The following POLR2B variants were observed in gnomAD, a reference collection of about 807,000 sequenced individuals.
The protein encoded by POLR2B is DNA-directed RNA polymerase II subunit RPB2.
Under a neutral mutation model 144.6 loss-of-function variants are expected in POLR2B, and 57 were observed. The ratio of observed to expected loss-of-function variants is 0.39; its 90% confidence interval spans 0.32 to 0.49. The LOEUF is 0.49. POLR2B is among the 20% of genes least tolerant of loss of function. The probability of loss-of-function intolerance (pLI) is 0.83; values close to 1 mark genes in which losing one functional copy is unlikely to be tolerated. For synonymous variants in POLR2B, 442 were observed against 469.8 expected, an observed-to-expected ratio of 0.94 and a Z score of 0.77; for missense variants, 595 against 1,467.4, an observed-to-expected ratio of 0.41 and a Z score of 9.71.
intron 6 of POLR2B, among the ~76,000 whole-genome samples, chr4:56,998,324 A>G (rs11735158): frequency 0.3 from 45,916 of 151,094 alleles, 7,172 homozygotes; most frequent in Admixed American, 0.4. Context: ...CAGCCTCCTG[A>G]GTAGCTGGGA....
At chr4:56,987,029 G>A (rs191627388) in intron 2 of POLR2B, among the ~76,000 whole-genome samples, 3 of 152,154 alleles carry the variant, frequency 2.0e-5, no homozygotes, top group Non-Finnish European at 4.4e-5. Flanking sequence ...CAGTGTGTCT[G>A]TTCTTTTTTT....
Position 57,030,355 on chromosome 4 carries a change from A to G in POLR2B, c.3391A>G (p.Arg1131Gly). 1 of 1,614,112 alleles carries G rather than the reference A, an allele frequency of 6.2e-7. No homozygotes were observed. The highest frequency in any genetic ancestry group is 8.5e-7 in the Non-Finnish European group (1 of 1,179,968). ...TGGAATAATGGCGATTGCCAACACC[A>G]GGACCCATACATATGAATGCAGGGG... ...LCGIMAIANT[R>G]THTYECRGCR... The change falls in exon 24 of 25, where the codon AGG becomes GGG. Residue 1131 changes from arginine to glycine, a missense_variant. Physicochemically the swap from Arg to Gly is moderately radical, Grantham distance 125 (BLOSUM62 -2). Transcript: ENST00000314595.
chr4:56,980,595 C>G (rs1273419608), intron 1 of POLR2B, among the ~76,000 whole-genome samples: 1 of 152,048 alleles, frequency 6.6e-6, no homozygotes, highest in African/African-American at 2.4e-5. Flanking sequence ...TCTTGCTCAC[C>G]TATAGTCCCA....
intron 6 of POLR2B, among the ~76,000 whole-genome samples, chr4:56,996,278 A>T (rs12508770): frequency 0.016 from 936 of 59,616 alleles, 50 homozygotes; most frequent in South Asian, 0.062. Flanking sequence ...ATATATATAT[A>T]TTTTTTTTTT....
At chr4:56,994,944 AAAGAAAG>A in intron 5 of POLR2B, 78 bp downstream of exon 5, 1 of 869,910 alleles carries the variant, frequency 1.1e-6, no homozygotes, top group Non-Finnish European at 1.7e-6. Flanking sequence ...AAAAAAAAAA[AAAGAAAG>A]AAAGATTTTC....
intron 24 of POLR2B, 141 bp from the exon 25 acceptor site, chr4:57,030,758 G>A (rs913230336): frequency 8.2e-6 from 5 of 611,408 alleles, no homozygotes; most frequent in African/African-American, 1.8e-5. Context: ...ACCACCATAA[G>A]CTGAGGTAGC....
intron 21 of POLR2B, 76 bp from the exon 22 acceptor site, chr4:57,024,810 T>C (rs1723663293): frequency 1.4e-6 from 1 of 712,490 alleles, no homozygotes; most frequent in Non-Finnish European, 2.4e-6. Context: ...ATTTTTTGAA[T>C]GCATTTTTAT....
chr4:56,993,846 AT>A (rs1018722343), intron 3 of POLR2B, among the ~76,000 whole-genome samples: 1 of 152,130 alleles, frequency 6.6e-6, no homozygotes, highest in Non-Finnish European at 1.5e-5. Flanking sequence ...TGTTCTATTG[AT>A]TAGATTAGAG....
chr4:57,026,723 T>C (rs1287760579), intron 23 of POLR2B, among the ~76,000 whole-genome samples: 1 of 151,464 alleles, frequency 6.6e-6, no homozygotes, highest in Non-Finnish European at 1.5e-5. Context: ...ATCGTGCCAC[T>C]GCACTCCAGC....
chr4:56,997,968 A>G (rs1722740454), intron 6 of POLR2B, among the ~76,000 whole-genome samples: 1 of 152,236 alleles, frequency 6.6e-6, no homozygotes, highest in Non-Finnish European at 1.5e-5. Flanking sequence ...AGACATAAAC[A>G]GTATATTAGG....
At chr4:57,019,764 T>A (rs1243437699) in intron 16 of POLR2B, among the ~76,000 whole-genome samples, 1 of 149,494 alleles carries the variant, frequency 6.7e-6, no homozygotes, top group African/African-American at 2.4e-5. Context: ...GATGTCTTTT[T>A]TTTTTTTTTT....
chr4:56,994,834 G>A lies in POLR2B; in HGVS notation c.544G>A (p.Gly182Ser). The change falls in exon 5 of 25, where the codon GGT becomes AGT. Residue 182 changes from glycine (G) to serine (S), a missense_variant. Around this residue, in one of 9 missense-constraint regions of POLR2B, gnomAD observed 251 missense variants for 567.3 expected, o/e 0.44. Coordinates refer to ENST00000314595, the MANE Select transcript of POLR2B (RefSeq NM_000938.3). ...GTTAAATGAATGCCCTTTGGATCCTGGTGGCTATTTCATTATTAATGGATC... is the reference window on the plus strand; with the variant it reads ...GTTAAATGAATGCCCTTTGGATCCTAGTGGCTATTTCATTATTAATGGATC... ...CELNECPLDP[G>S]GYFIINGSEK... 6.2e-7 allele frequency: 1 copy of A among 1,608,788 alleles called. No homozygotes were observed. Among genetic ancestry groups the A allele is most frequent in the Non-Finnish European group, 8.5e-7 (1 of 1,176,262 alleles).
chr4:57,015,673 A>G lies in POLR2B; in HGVS notation c.1955+17A>G. On this transcript the variant is annotated intron_variant, in intron 14 of 24. Coordinates refer to ENST00000314595, the MANE Select transcript of POLR2B (RefSeq NM_000938.3). ...CAACTATAGGTAAAAACATGCAGTG[A>G]GAAAAATGTGTGTATTAAAAATTGA... 2 of 1,268,014 alleles carry G rather than the reference A, an allele frequency of 1.6e-6. No homozygotes were observed. The highest frequency in any genetic ancestry group is 2.1e-6 in the Non-Finnish European group (2 of 950,106). The allele number at this position is 1,268,014 out of a possible 1,614,324, so 78.5% of individuals were successfully genotyped here.
chr4:57,007,682 G>T (rs113272621), intron 10 of POLR2B, among the ~76,000 whole-genome samples: 207 of 152,304 alleles, frequency 1.4e-3, no homozygotes, highest in African/African-American at 4.5e-3. Context: ...TCTGACACTG[G>T]TTTCTATATG....
chr4:57,013,948 T>G (rs75285488), intron 13 of POLR2B, among the ~76,000 whole-genome samples: 4 of 137,698 alleles, frequency 2.9e-5, no homozygotes, highest in Non-Finnish European at 6.0e-5. Context: ...CATGTTTATA[T>G]TAAAAAAAAA....
At chr4:57,001,865 C>A (rs950463338) in intron 7 of POLR2B, among the ~76,000 whole-genome samples, 5 of 152,098 alleles carry the variant, frequency 3.3e-5, no homozygotes, top group African/African-American at 1.2e-4. Context: ...GTCCAGAGCG[C>A]TTAAGACTAC....
At chr4:57,024,837 G>C in intron 21 of POLR2B, 49 bp from the exon 22 acceptor site, 1 of 901,244 alleles carries the variant, frequency 1.1e-6, no homozygotes. Flanking sequence ...GACTTTTAGG[G>C]GGAGACAGAC....
chr4:57,022,316 A>G, intron 18 of POLR2B, 70 bp downstream of exon 18: 1 of 956,262 alleles, frequency 1.0e-6, no homozygotes, highest in Non-Finnish European at 1.7e-6. Context: ...AGTGATTTTG[A>G]TGGGTTGTGT....
chr4:57,029,659 A>G (rs1480858718), intron 23 of POLR2B, among the ~76,000 whole-genome samples: 1 of 152,154 alleles, frequency 6.6e-6, no homozygotes, highest in Non-Finnish European at 1.5e-5. Flanking sequence ...ACATGTATTT[A>G]TGATTTCAAG....
Sources: gnomAD v4.1 joint callset for allele counts (sites outside exome capture counted in the v4.1 genomes callset) on GRCh38, gnomAD v4.1.1 for gene constraint, gnomAD v4.1.1 regional missense constraint, MANE v1.5 for transcripts, NCBI Gene and HGNC (gene_info 2026-07-23, HGNC 2026-07-21) for gene names.